GPR39: variants seen among roughly 807,000 people sequenced by gnomAD.
The protein encoded by GPR39 is zinc sensing receptor.
A neutral mutation model predicts 18.4 loss-of-function variants in GPR39; 23 were observed. The ratio of observed to expected loss-of-function variants is 1.25; its 90% CI spans 0.90 to 1.77. The LOEUF (loss-of-function observed/expected upper bound fraction) is 1.77, where lower values mean the gene tolerates loss of function less well. GPR39 is among the 40% of genes most tolerant of loss of function. GPR39 has a pLI of 0.00. For synonymous variants in GPR39, 280 were observed against 257.9 expected (o/e 1.09, Z -0.82); for missense variants, 647 against 602.4 (o/e 1.07, Z -0.78).
intron 1 of GPR39, among the ~76,000 whole-genome samples, chr2:132,468,429 G>T (rs1258065348): frequency 6.6e-6 from 1 of 152,212 alleles, no homozygotes; most frequent in Non-Finnish European, 1.5e-5. Flanking sequence ...TATGGAAGTG[G>T]CAGGGTGGGA....
chr2:132,423,956 C>T (rs191480224), intron 1 of GPR39, among the ~76,000 whole-genome samples: 16 of 152,258 alleles, frequency 1.1e-4, no homozygotes, highest in Middle Eastern at 3.4e-3. Context: ...GGCATGCATT[C>T]GTATAGAGGT....
intron 1 of GPR39, among the ~76,000 whole-genome samples, chr2:132,490,603 A>C (rs1431781141): frequency 6.6e-6 from 1 of 151,938 alleles, no homozygotes; most frequent in South Asian, 2.1e-4. Flanking sequence ...GGTGAATGCT[A>C]CAAAGAACAA....
At chr2:132,609,679 T>C (rs901474299) in intron 1 of GPR39, among the ~76,000 whole-genome samples, 3 of 152,192 alleles carry the variant, frequency 2.0e-5, no homozygotes, top group Admixed American at 2.0e-4. Context: ...GCAGAATCAC[T>C]GCAGTCCCCT....
Position 132,484,424 on chromosome 2 carries a change from A to G in GPR39, c.856+66526A>G, listed in dbSNP as rs1039509582. Among the ~76,000 whole-genome samples, 4 of 152,254 alleles carry G rather than the reference A, an allele frequency of 2.6e-5. No individual in the cohort carries two copies. The East Asian group carries it at 5.8e-4, about 22-fold the overall frequency. ...AAAATAAAGAACCTAATAGGCCACA[A>G]TGGGCATCAGAGAGATGTTGTGACC... On this transcript the variant is annotated intron_variant, in intron 1 of 1. Coordinates refer to ENST00000329321, the MANE Select transcript of GPR39 (RefSeq NM_001508.3).
At chr2:132,515,094 C>T (rs533934090) in intron 1 of GPR39, among the ~76,000 whole-genome samples, 1 of 152,320 alleles carries the variant, frequency 6.6e-6, no homozygotes, top group East Asian at 1.9e-4. Context: ...CCAGATCATT[C>T]ATTTATTGGT....
chr2:132,645,329 G>A lies in GPR39; in HGVS notation c.1085G>A (p.Arg362His). The change falls in exon 2 of 2, where the codon CGC becomes CAC. Residue 362 changes from arginine to histidine, a missense_variant. Coordinates refer to ENST00000329321, the MANE Select transcript of GPR39 (RefSeq NM_001508.3). ...RRVFVQVLCC[R>H]LSLQHANHEK... ...GTGTTCGTGCAGGTGCTGTGCTGCC[G>A]CCTGTCGCTGCAGCACGCCAACCAC... 2 of 1,614,118 alleles carry A rather than the reference G, an allele frequency of 1.2e-6. No homozygotes were observed. The highest frequency in any genetic ancestry group is 2.2e-5 in the South Asian group (2 of 91,072).
chr2:132,629,226 A>T (rs1681605790), intron 1 of GPR39, among the ~76,000 whole-genome samples: 1 of 152,208 alleles, frequency 6.6e-6, no homozygotes, highest in South Asian at 2.1e-4. Flanking sequence ...TGATGCTATG[A>T]TGCTAGGACT....
intron 1 of GPR39, among the ~76,000 whole-genome samples, chr2:132,626,023 C>T (rs1299552182): frequency 6.6e-6 from 1 of 151,644 alleles, no homozygotes; most frequent in African/African-American, 2.4e-5. Flanking sequence ...TGGCGTGAAC[C>T]TGGGTGGCGG....
At chr2:132,445,670 G>GTTTGCCA (rs67308783) in intron 1 of GPR39, among the ~76,000 whole-genome samples, 2 of 40,442 alleles carry the variant, frequency 4.9e-5, no homozygotes, top group Admixed American at 2.4e-4. Flanking sequence ...ATGACAAATT[G>GTTTGCCA]TTTGCCATAC....
rs150602077 is a variant in GPR39, at chr2:132,420,902, G to C, written c.856+3004G>C. ...CTACTAGCTCTCAAGCAATTTACAGGAGAACACAATAGTGATGCAAAAGTG... is the reference window on the plus strand; with the variant it reads ...CTACTAGCTCTCAAGCAATTTACAGCAGAACACAATAGTGATGCAAAAGTG... On this transcript the variant is annotated intron_variant, in intron 1 of 1. Transcript: ENST00000329321. Among the ~76,000 whole-genome samples, 59 of 152,310 alleles carry C rather than the reference G, an allele frequency of 3.9e-4. No homozygotes were observed. In the East Asian group the frequency reaches 0.011, roughly 28 times the overall value.
At chr2:132,529,315 C>T (rs929896615) in intron 1 of GPR39, among the ~76,000 whole-genome samples, 15 of 152,162 alleles carry the variant, frequency 9.9e-5, no homozygotes, top group Non-Finnish European at 1.6e-4. Context: ...GAGGGGCGCC[C>T]GCCATTGCCG....
chr2:132,601,810 A>G (rs1296337567), intron 1 of GPR39, among the ~76,000 whole-genome samples: 1 of 152,148 alleles, frequency 6.6e-6, no homozygotes, highest in Non-Finnish European at 1.5e-5. Flanking sequence ...AAGCAATCTC[A>G]TATATAATAG....
chr2:132,603,072 G>C (rs1208370023), intron 1 of GPR39, among the ~76,000 whole-genome samples: 3 of 152,136 alleles, frequency 2.0e-5, no homozygotes, highest in Non-Finnish European at 4.4e-5. Flanking sequence ...TTATCAAAGA[G>C]AGATCTGCAC....
Position 132,646,143 on chromosome 2 carries a change from T to G in GPR39, c.*537T>G. ...GCAGAACTTCCCCTTTTCTTGGGCC[T>G]TGGCCCGTTACAAAGAGGGGTGTTG... On this transcript the variant is annotated 3_prime_UTR_variant, in exon 2 of 2. Coordinates refer to ENST00000329321, the MANE Select transcript of GPR39 (RefSeq NM_001508.3). 1 of 1,611,974 alleles carries G rather than the reference T, an allele frequency of 6.2e-7. No homozygotes were observed. Among genetic ancestry groups the G allele is most frequent in the Non-Finnish European group, 8.5e-7 (1 of 1,178,828 alleles).
chr2:132,521,446 A>G (rs1394656757), intron 1 of GPR39, among the ~76,000 whole-genome samples: 1 of 152,146 alleles, frequency 6.6e-6, no homozygotes, highest in African/African-American at 2.4e-5. Flanking sequence ...ACCCTAGAAC[A>G]TATGCTCTGT....
intron 1 of GPR39, among the ~76,000 whole-genome samples, chr2:132,597,761 G>A (rs1680971122): frequency 6.6e-6 from 1 of 152,184 alleles, no homozygotes; most frequent in African/African-American, 2.4e-5. Context: ...AAGTCAAACA[G>A]GCAATATGAA....
At chr2:132,582,890 T>C (rs1327244485) in intron 1 of GPR39, among the ~76,000 whole-genome samples, 1 of 150,212 alleles carries the variant, frequency 6.7e-6, no homozygotes, top group African/African-American at 2.4e-5. Context: ...TAGAATTGAA[T>C]AGAGAGAATT....
In GPR39 at chr2:132,416,907, T is replaced by G. The variant is rs1187137136; in HGVS notation, c.-136T>G. 2.4e-5 allele frequency: 28 copies of G among 1,162,424 alleles called. No individual in the cohort carries two copies. The highest frequency in any genetic ancestry group is 3.4e-5 in the Non-Finnish European group (28 of 827,046). The allele number at this position is 1,162,424 out of a possible 1,614,324, so 72.0% of individuals were successfully genotyped here. ...AAAGCACCTGAAATACTAAGTTACCTTCGCGAGGAGAACTCGAGTGAGATA... is the reference window on the plus strand; with the variant it reads ...AAAGCACCTGAAATACTAAGTTACCGTCGCGAGGAGAACTCGAGTGAGATA... On this transcript the variant is annotated 5_prime_UTR_variant, in exon 1 of 2. Transcript: ENST00000329321.
chr2:132,612,052 C>G (rs189663762), intron 1 of GPR39, among the ~76,000 whole-genome samples: 1 of 151,808 alleles, frequency 6.6e-6, no homozygotes, highest in East Asian at 1.9e-4. Flanking sequence ...TTACATGTCT[C>G]TCTCCATCCA....
Sources: allele counts gnomAD v4.1 joint callset (sites outside exome capture counted in the v4.1 genomes callset), GRCh38; gene constraint gnomAD v4.1.1; transcripts MANE v1.5; gene names NCBI Gene and HGNC (gene_info 2026-07-23, HGNC 2026-07-21).